CEP112: variants seen among roughly 807,000 people sequenced by gnomAD.
CEP112 encodes the protein centrosomal protein of 112 kDa.
Under a neutral mutation model 153.0 loss-of-function variants are expected in CEP112, and 127 were observed. The ratio of observed to expected loss-of-function variants is 0.83; its 90% CI spans 0.72 to 0.96. The LOEUF is 0.96. Among genes scored for constraint, CEP112 ranks in the 40% least tolerant of loss-of-function variants. The probability of loss-of-function intolerance (pLI) is 0.00; values close to 1 mark genes in which losing one functional copy is unlikely to be tolerated. For missense variants in CEP112, 1,089 were observed against 1,101.2 expected (o/e 0.99, Z 0.16); for synonymous variants, 358 against 374.4 (o/e 0.96, Z 0.51).
intron 21 of CEP112, among the ~76,000 whole-genome samples, chr17:65,808,248 T>A (rs2055731772): frequency 6.6e-6 from 1 of 152,248 alleles, no homozygotes; most frequent in African/African-American, 2.4e-5. Flanking sequence ...TGGCAGCATT[T>A]ACCCAATGCT....
intron 12 of CEP112, among the ~76,000 whole-genome samples, chr17:66,049,087 A>T (rs1461532969): frequency 6.6e-6 from 1 of 152,188 alleles, no homozygotes; most frequent in Non-Finnish European, 1.5e-5. Context: ...CTGATCGCAC[A>T]TGGGAATTTG....
At chr17:65,796,685 T>C (rs1281008853) in intron 21 of CEP112, among the ~76,000 whole-genome samples, 2 of 151,960 alleles carry the variant, frequency 1.3e-5, no homozygotes, top group East Asian at 1.9e-4. Context: ...TAAAGTCGAA[T>C]ATTGTAAAAA....
chr17:66,109,870 A>C (rs888452491), intron 6 of CEP112, among the ~76,000 whole-genome samples: 1 of 152,196 alleles, frequency 6.6e-6, no homozygotes, highest in African/African-American at 2.4e-5. Flanking sequence ...ATAAAGATAT[A>C]ATAAAACCAT....
intron 24 of CEP112, among the ~76,000 whole-genome samples, chr17:65,667,881 C>T (rs903221700): frequency 3.4e-5 from 5 of 147,738 alleles, no homozygotes; most frequent in Non-Finnish European, 5.9e-5. Flanking sequence ...CCGACGACTG[C>T]GCCACTCCCT....
At chr17:65,748,870 G>A (rs1282547567) in intron 22 of CEP112, among the ~76,000 whole-genome samples, 1 of 152,050 alleles carries the variant, frequency 6.6e-6, no homozygotes, top group Non-Finnish European at 1.5e-5. Context: ...AAATACTCCT[G>A]TTTACACTCT....
At chr17:65,690,690 C>T (rs1486233366) in intron 23 of CEP112, among the ~76,000 whole-genome samples, 1 of 152,044 alleles carries the variant, frequency 6.6e-6, no homozygotes, top group Non-Finnish European at 1.5e-5. Flanking sequence ...GAAGAGCCTT[C>T]CAAGCAATAG....
intron 17 of CEP112, among the ~76,000 whole-genome samples, chr17:65,997,800 C>G (rs1210608012): frequency 1.4e-5 from 2 of 142,122 alleles, no homozygotes; most frequent in Non-Finnish European, 3.1e-5. Context: ...TCCCCCCCCC[C>G]ACACACACAC....
Position 65,913,961 on chromosome 17 carries a change from A to G in CEP112, c.1981-11627T>C, listed in dbSNP as rs533239914. 4.0e-6 allele frequency: 3 copies of G among 746,494 alleles called. No individual in the cohort carries two copies. In the South Asian group the frequency reaches 1.9e-4, roughly 46 times the overall value. The allele number at this position is 746,494 out of a possible 1,614,324, so 46.2% of individuals were successfully genotyped here. A position where few individuals can be genotyped will look rare whatever the true frequency, so the allele number is the denominator to read the frequency against. Reference sequence around the variant, plus strand: ...AAAACTTTTTGAAAAATGAGCTATTACTTTCTGTGGTTTTATCTGCCAGAT... The same window carrying G: ...AAAACTTTTTGAAAAATGAGCTATTGCTTTCTGTGGTTTTATCTGCCAGAT... On this transcript the variant is annotated intron_variant, in intron 19 of 26. Transcript: ENST00000535342.
chr17:66,056,621 A>C (rs1363502998), intron 11 of CEP112, among the ~76,000 whole-genome samples: 1 of 152,220 alleles, frequency 6.6e-6, no homozygotes, highest in African/African-American at 2.4e-5. Flanking sequence ...GGTAAGTGAA[A>C]GAAGCCAGTC....
chr17:65,871,730 A>C (rs988698881), intron 20 of CEP112, among the ~76,000 whole-genome samples: 3 of 152,250 alleles, frequency 2.0e-5, no homozygotes, highest in Non-Finnish European at 4.4e-5. Context: ...GAATATCTCC[A>C]GGACAGCAAC....
intron 21 of CEP112, among the ~76,000 whole-genome samples, chr17:65,822,176 T>C (rs1255180817): frequency 1.3e-5 from 2 of 151,992 alleles, no homozygotes; most frequent in Admixed American, 6.6e-5. Context: ...GGATGAAGAA[T>C]AATTTGTATC....
At chr17:65,777,253 C>T (rs2053731862) in intron 21 of CEP112, among the ~76,000 whole-genome samples, 1 of 152,186 alleles carries the variant, frequency 6.6e-6, no homozygotes, top group African/African-American at 2.4e-5. Context: ...TTGAGGACTG[C>T]ACCACAGGGA....
intron 6 of CEP112, 103 bp downstream of exon 6, chr17:66,129,643 C>A: frequency 1.3e-6 from 1 of 783,298 alleles, no homozygotes; most frequent in Non-Finnish European, 2.1e-6. Flanking sequence ...ATATGTCTAA[C>A]ATCCAACGTT....
At chr17:66,007,863 C>T (rs1306039829) in intron 16 of CEP112, among the ~76,000 whole-genome samples, 2 of 152,144 alleles carry the variant, frequency 1.3e-5, no homozygotes. Context: ...GTCAAGTTCT[C>T]TCGCAAGTTG....
At chr17:66,065,684 C>A (rs1353616352) in intron 10 of CEP112, among the ~76,000 whole-genome samples, 4 of 148,812 alleles carry the variant, frequency 2.7e-5, no homozygotes, top group Non-Finnish European at 2.9e-5. Context: ...GGCTGGAGTG[C>A]AGTGGCACGG....
chr17:66,051,841 G>A lies in CEP112; in HGVS notation c.1218+1895C>T, dbSNP rs377632604. Among the ~76,000 whole-genome samples the A allele has an allele frequency of 2.6e-5, 4 of 151,958 alleles. No individual in the cohort carries two copies. In the South Asian group the frequency reaches 8.4e-4, roughly 32 times the overall value. On this transcript the variant is annotated intron_variant, in intron 12 of 26. Coordinates refer to ENST00000535342, the MANE Select transcript of CEP112 (RefSeq NM_001199165.4). ...ATTCTATGAGGTCATATTACATACA[G>A]ATGCTCCTTGACTTAAAATGAGATC... is the stretch of plus-strand genomic sequence containing the variant.
intron 21 of CEP112, among the ~76,000 whole-genome samples, chr17:65,794,647 C>G (rs541762142): frequency 6.6e-5 from 10 of 152,282 alleles, no homozygotes; most frequent in African/African-American, 2.2e-4. Flanking sequence ...ATGTGAACTC[C>G]ATCATTTTCT....
intron 21 of CEP112, among the ~76,000 whole-genome samples, chr17:65,803,594 T>C (rs2055410428): frequency 6.6e-6 from 1 of 152,194 alleles, no homozygotes; most frequent in African/African-American, 2.4e-5. Context: ...CATTATTTTC[T>C]CAAAATATAA....
chr17:66,094,817 C>A (rs1034236304), intron 8 of CEP112, among the ~76,000 whole-genome samples: 1 of 152,006 alleles, frequency 6.6e-6, no homozygotes, highest in Non-Finnish European at 1.5e-5. Flanking sequence ...ACACTGATAA[C>A]CTGATTTTAA....
Sources: allele counts gnomAD v4.1 joint callset (sites outside exome capture counted in the v4.1 genomes callset), GRCh38; gene constraint gnomAD v4.1.1; transcripts MANE v1.5; gene names NCBI Gene and HGNC (gene_info 2026-07-23, HGNC 2026-07-21).